The following CEP112 variants were observed in gnomAD, a reference collection of about 807,000 sequenced individuals.
CEP112 encodes the protein centrosomal protein of 112 kDa.
A neutral mutation model predicts 153.0 loss-of-function variants in CEP112; 127 were observed. The ratio of observed to expected loss-of-function variants is 0.83; its 90% CI spans 0.72 to 0.96. CEP112 has a LOEUF of 0.96. CEP112 is among the 40% of genes least tolerant of loss of function. The pLI, the probability that CEP112 is intolerant of heterozygous loss-of-function variation, is 0.00. For synonymous variants in CEP112, 358 were observed against 374.4 expected (o/e 0.96, Z 0.51); for missense variants, 1,089 against 1,101.2 (o/e 0.99, Z 0.16).
At chr17:65,807,562 T>A (rs2055685087) in intron 21 of CEP112, among the ~76,000 whole-genome samples, 1 of 152,048 alleles carries the variant, frequency 6.6e-6, no homozygotes, top group Non-Finnish European at 1.5e-5. Flanking sequence ...GAAAAATGGT[T>A]TTATGGGCCC....
chr17:66,156,104 AG>A (rs942633880), intron 4 of CEP112, among the ~76,000 whole-genome samples: 3 of 152,156 alleles, frequency 2.0e-5, no homozygotes, highest in Non-Finnish European at 2.9e-5. Flanking sequence ...AACTCCCAGC[AG>A]GGGTCGACAG....
At chr17:65,826,040 T>A in intron 21 of CEP112, 9 of 1,201,452 alleles carry the variant, frequency 7.5e-6, no homozygotes, top group Non-Finnish European at 1.1e-5. Context: ...ATTCATCTCC[T>A]TGAGATGAAT....
At position 66,142,899 on chromosome 17, in the gene CEP112, G is replaced by C. The variant is rs74785131; in HGVS notation, c.471-10136C>G. ...TTGTGAAAAAAGCCGTTGGAGTTTT[G>C]ATAGGGATTGCATTGAAATTGTAGA... On this transcript the variant is annotated intron_variant, in intron 4 of 26. Transcript: ENST00000535342. Among the ~76,000 whole-genome samples the C allele has an allele frequency of 9.9e-3, 1,503 of 152,178 alleles. 25 individuals carry two copies. Among genetic ancestry groups the C allele is most frequent in the African/African-American group, 0.034 (1,401 of 41,538 alleles).
At chr17:65,743,467 A>G (rs1598444871) in intron 22 of CEP112, among the ~76,000 whole-genome samples, 2 of 152,360 alleles carry the variant, frequency 1.3e-5, no homozygotes, top group East Asian at 3.9e-4. Flanking sequence ...ACATTCCACA[A>G]TATTTACTCA....
intron 24 of CEP112, among the ~76,000 whole-genome samples, chr17:65,678,857 C>G (rs1244035832): frequency 1.3e-5 from 2 of 152,146 alleles, no homozygotes; most frequent in Non-Finnish European, 2.9e-5. Context: ...TCCCGCAGCA[C>G]ACTCAGCCCA....
intron 12 of CEP112, among the ~76,000 whole-genome samples, chr17:66,044,686 G>A (rs1340051230): frequency 1.3e-5 from 2 of 152,158 alleles, no homozygotes; most frequent in Non-Finnish European, 2.9e-5. Context: ...GACTAAAAGT[G>A]AGGAACTGAA....
At chr17:65,876,181 T>C (rs1213046203) in intron 20 of CEP112, among the ~76,000 whole-genome samples, 1 of 152,224 alleles carries the variant, frequency 6.6e-6, no homozygotes, top group Non-Finnish European at 1.5e-5. Context: ...CAAGATCCAC[T>C]GTTCAACGAA....
rs56221578 is a variant in CEP112, at chr17:66,132,168, C to CAAAAAAAAAAAA, written c.564+490_564+501dup. On this transcript the variant is annotated intron_variant, in intron 5 of 26. Transcript: ENST00000535342. Reference sequence around the variant, plus strand: ...CCTGGGCAACAGTGAGACTCCATCTCAAAAAAAAAAAAAAAAAAAAAAAAA... The same window carrying CAAAAAAAAAAAA: ...CCTGGGCAACAGTGAGACTCCATCTCAAAAAAAAAAAAAAAAAAAAAAAAAAAAAAAAAAAAA... Among the ~76,000 whole-genome samples, 37 of 39,882 alleles carry CAAAAAAAAAAAA rather than the reference C, an allele frequency of 9.3e-4. 11 individuals carry two copies. Among genetic ancestry groups the CAAAAAAAAAAAA allele is most frequent in the Admixed American group, 1.5e-3 (4 of 2,588 alleles). The allele number at this position is 39,882 out of a possible 152,430, so 26.2% of individuals were successfully genotyped here.
chr17:66,043,685 T>C (rs2066079941), intron 12 of CEP112, among the ~76,000 whole-genome samples: 1 of 152,190 alleles, frequency 6.6e-6, no homozygotes, highest in African/African-American at 2.4e-5. Flanking sequence ...CTATAATTTT[T>C]ATATTTACGT....
intron 16 of CEP112, among the ~76,000 whole-genome samples, chr17:66,007,156 C>T (rs1432259031): frequency 6.6e-6 from 1 of 152,100 alleles, no homozygotes; most frequent in Non-Finnish European, 1.5e-5. Context: ...GTAGACAGGA[C>T]ATTTTCCAAG....
At chr17:65,854,088 A>G (rs1397710023) in intron 20 of CEP112, among the ~76,000 whole-genome samples, 1 of 152,214 alleles carries the variant, frequency 6.6e-6, no homozygotes, top group African/African-American at 2.4e-5. Context: ...CAGCAATGCA[A>G]CATTTCCCAA....
chr17:65,904,099 C>T (rs916778264), intron 19 of CEP112, among the ~76,000 whole-genome samples: 1 of 152,134 alleles, frequency 6.6e-6, no homozygotes, highest in African/African-American at 2.4e-5. Context: ...AAGTTCTGGT[C>T]AGGGCAATCA....
chr17:65,786,572 CTTTT>C (rs1195368604), intron 21 of CEP112, among the ~76,000 whole-genome samples: 2 of 101,622 alleles, frequency 2.0e-5, no homozygotes, highest in Admixed American at 1.0e-4. Flanking sequence ...TTAGCCAATT[CTTTT>C]TTTTTTTTTT....
chr17:65,809,675 T>C (rs1156703232), intron 21 of CEP112, among the ~76,000 whole-genome samples: 1 of 152,190 alleles, frequency 6.6e-6, no homozygotes, highest in Non-Finnish European at 1.5e-5. Flanking sequence ...TTCAGAAATA[T>C]TAAGTGCCAG....
intron 20 of CEP112, among the ~76,000 whole-genome samples, chr17:65,884,953 T>A (rs1023045681): frequency 2.6e-5 from 4 of 152,080 alleles, no homozygotes; most frequent in African/African-American, 7.2e-5. Context: ...TGACCTCAGG[T>A]GATCCACCCT....
At chr17:65,682,518 C>T (rs758220045) in intron 24 of CEP112, among the ~76,000 whole-genome samples, 3 of 152,124 alleles carry the variant, frequency 2.0e-5, no homozygotes, top group Non-Finnish European at 4.4e-5. Flanking sequence ...GAAAAAGTCC[C>T]CCATTGCTGA....
chr17:65,637,298 T>C, intron 25 of CEP112, 110 bp from the exon 26 acceptor site: 2 of 761,482 alleles, frequency 2.6e-6, no homozygotes, highest in Middle Eastern at 2.8e-4. Context: ...TAGATAAAAC[T>C]CAGAGGATTT....
chr17:66,186,868 G>C (rs754078547), intron 1 of CEP112, among the ~76,000 whole-genome samples: 5 of 152,046 alleles, frequency 3.3e-5, no homozygotes, highest in African/African-American at 7.2e-5. Flanking sequence ...CATAAATCTT[G>C]CTTCAGGGAA....
In CEP112 at chr17:66,132,168, C is replaced by CAAAAAAAAAAAAAAA. The variant is rs56221578; in HGVS notation, c.564+487_564+501dup. Among the ~76,000 whole-genome samples the CAAAAAAAAAAAAAAA allele has an allele frequency of 2.0e-4, 8 of 39,884 alleles. 3 individuals are homozygous for CAAAAAAAAAAAAAAA. Among genetic ancestry groups the CAAAAAAAAAAAAAAA allele is most frequent in the African/African-American group, 4.2e-4 (3 of 7,134 alleles). 26.2% of individuals were successfully genotyped at this position (39,884 alleles called of 152,430 possible). On this transcript the variant is annotated intron_variant, in intron 5 of 26. Transcript: ENST00000535342. The stretch of plus-strand genomic sequence containing the variant: ...CCTGGGCAACAGTGAGACTCCATCT[C>CAAAAAAAAAAAAAAA]AAAAAAAAAAAAAAAAAAAAAAAAA...
Sources: gnomAD v4.1 joint callset for allele counts (sites outside exome capture counted in the v4.1 genomes callset) on GRCh38, gnomAD v4.1.1 for gene constraint, MANE v1.5 for transcripts, NCBI Gene and HGNC (gene_info 2026-07-23, HGNC 2026-07-21) for gene names.